NAALADL2: variants seen among roughly 807,000 people sequenced by gnomAD.
The protein encoded by NAALADL2 is N-acetylated alpha-linked acidic dipeptidase like 2, also known as inactive N-acetylated-alpha-linked acidic dipeptidase-like protein 2.
A neutral mutation model predicts 87.2 loss-of-function variants in NAALADL2; 76 were observed. The ratio of observed to expected loss-of-function variants is 0.87; its 90% CI spans 0.72 to 1.05. NAALADL2 has a LOEUF of 1.05. NAALADL2 is among the 50% of genes least tolerant of loss of function. The pLI, the probability that NAALADL2 is intolerant of heterozygous loss-of-function variation, is 0.00. For missense variants in NAALADL2, 1,089 were observed against 945.8 expected, an observed-to-expected ratio of 1.15 and a Z score of -1.99; for synonymous variants, 354 against 331.0, an observed-to-expected ratio of 1.07 and a Z score of -0.75.
chr3:175,124,656 T>C (rs1358099065), intron 2 of NAALADL2: 5 of 152,032 alleles, frequency 3.3e-5, no homozygotes, highest in Non-Finnish European at 7.4e-5. Flanking sequence ...GAAAGAGTGA[T>C]GTGTTACACA....
chr3:175,446,645 C>T (rs1720756819), intron 5 of NAALADL2, among the ~76,000 whole-genome samples: 1 of 152,136 alleles, frequency 6.6e-6, no homozygotes, highest in Admixed American at 6.6e-5. Context: ...GAACAGGCAC[C>T]CACACTGACT....
At chr3:175,772,272 T>A (rs1749594846) in intron 13 of NAALADL2, among the ~76,000 whole-genome samples, 1 of 151,668 alleles carries the variant, frequency 6.6e-6, no homozygotes, top group African/African-American at 2.4e-5. Flanking sequence ...TATTTATTTT[T>A]TTTTTTGTTG....
At chr3:174,491,761 G>T (rs934406861) in intron 1 of NAALADL2, among the ~76,000 whole-genome samples, 2 of 151,978 alleles carry the variant, frequency 1.3e-5, no homozygotes, top group Admixed American at 1.3e-4. Context: ...CTTCTCAAAG[G>T]AAGTGCTTAT....
chr3:175,765,253 A>G (rs2150159441), intron 13 of NAALADL2, among the ~76,000 whole-genome samples: 1 of 152,274 alleles, frequency 6.6e-6, no homozygotes, highest in Non-Finnish European at 1.5e-5. Flanking sequence ...ATCATTATAT[A>G]CATTCCCTTT....
intron 2 of NAALADL2, among the ~76,000 whole-genome samples, chr3:175,216,621 A>T (rs1266562302): frequency 2.7e-5 from 4 of 150,096 alleles, no homozygotes; most frequent in African/African-American, 9.8e-5. Context: ...ACATTCTCCC[A>T]TTCCAGCAGA....
At chr3:175,600,850 A>T (rs900344535) in intron 10 of NAALADL2, among the ~76,000 whole-genome samples, 2 of 152,060 alleles carry the variant, frequency 1.3e-5, no homozygotes, top group African/African-American at 4.8e-5. Flanking sequence ...TCTTAGTCTT[A>T]ATCAAAGTTG....
intron 2 of NAALADL2, among the ~76,000 whole-genome samples, chr3:175,174,733 A>G (rs1366647290): frequency 1.3e-5 from 2 of 151,998 alleles, no homozygotes; most frequent in African/African-American, 4.8e-5. Context: ...AAACCATGAT[A>G]TAACCCAAGA....
At position 175,251,546 on chromosome 3, in the gene NAALADL2, C is replaced by G. The variant is rs545617370; in HGVS notation, c.820-4865C>G. Among the ~76,000 whole-genome samples, 6 of 152,248 alleles carry G rather than the reference C, an allele frequency of 3.9e-5. No homozygotes were observed. The South Asian group carries it at 6.2e-4, about 16-fold the overall frequency. On this transcript the variant is annotated intron_variant, in intron 3 of 13. Transcript: ENST00000454872. ...AGAGACCAGTAAGATGTGTCTTAATCATTGGTATTTGGTTGTAAGTTAACA... is the reference window on the plus strand; with the variant it reads ...AGAGACCAGTAAGATGTGTCTTAATGATTGGTATTTGGTTGTAAGTTAACA...
intron 2 of NAALADL2, among the ~76,000 whole-genome samples, chr3:175,104,014 C>T (rs538279861): frequency 3.2e-4 from 48 of 152,264 alleles, no homozygotes; most frequent in African/African-American, 1.1e-3. Flanking sequence ...GGCTGCTTTC[C>T]TGTCCCCTTC....
chr3:174,761,181 T>C (rs1265109649), intron 3 of NAALADL2, among the ~76,000 whole-genome samples: 4 of 152,214 alleles, frequency 2.6e-5, no homozygotes, highest in African/African-American at 4.8e-5. Context: ...TGAAAATCTA[T>C]TTCCGAGTGC....
intron 3 of NAALADL2, among the ~76,000 whole-genome samples, chr3:174,811,717 A>G (rs1030874506): frequency 6.6e-6 from 1 of 152,058 alleles, no homozygotes; most frequent in African/African-American, 2.4e-5. Flanking sequence ...GGATGATTGT[A>G]TTTTGCAATG....
intron 3 of NAALADL2, among the ~76,000 whole-genome samples, chr3:174,847,957 A>G (rs1724818338): frequency 6.6e-6 from 1 of 151,732 alleles, no homozygotes; most frequent in Admixed American, 6.6e-5. Flanking sequence ...CTCTGCTCTA[A>G]TAATGTCTTC....
chr3:175,569,134 G>A lies in NAALADL2; in HGVS notation c.1654-6907G>A, dbSNP rs182596508. 1.1e-3 allele frequency among the ~76,000 whole-genome samples: 168 copies of A among 152,154 alleles called. 2 individuals carry two copies. Among genetic ancestry groups the A allele is most frequent in the African/African-American group, 4.0e-3 (164 of 41,516 alleles). ...TGGATCTCAGGGTAAGAACCCTTGG[G>A]CATTAGGATCTTTAGGTTCTTTTCT... On this transcript the variant is annotated intron_variant, in intron 9 of 13. Transcript: ENST00000454872.
intron 10 of NAALADL2, among the ~76,000 whole-genome samples, chr3:175,626,656 G>T (rs4129158): frequency 0.74 from 112,141 of 151,620 alleles, 42,173 homozygotes; most frequent in East Asian, 0.88. Flanking sequence ...TTTATTCCCA[G>T]TCTCTACTTT....
intron 5 of NAALADL2, among the ~76,000 whole-genome samples, chr3:175,402,643 C>G (rs1679171236): frequency 1.3e-5 from 2 of 152,034 alleles, no homozygotes; most frequent in Admixed American, 1.3e-4. Context: ...TCCTGTTTCT[C>G]TCTTCAGAGC....
chr3:174,981,046 A>G (rs1745044935), intron 1 of NAALADL2, among the ~76,000 whole-genome samples: 1 of 152,208 alleles, frequency 6.6e-6, no homozygotes, highest in Non-Finnish European at 1.5e-5. Context: ...TTCTGTAAAC[A>G]AACCTTAAAT....
intron 5 of NAALADL2, among the ~76,000 whole-genome samples, chr3:175,341,796 G>T (rs1331577196): frequency 1.3e-5 from 2 of 152,054 alleles, no homozygotes; most frequent in Admixed American, 1.3e-4. Context: ...CCTTCTAAGA[G>T]TTTTGTAGTT....
At chr3:174,830,468 C>T (rs1481962833) in intron 3 of NAALADL2, among the ~76,000 whole-genome samples, 4 of 151,972 alleles carry the variant, frequency 2.6e-5, no homozygotes, top group Admixed American at 2.6e-4. Flanking sequence ...TTCCATTGAT[C>T]TATATCTCTG....
chr3:175,386,894 T>C (rs1303268896), intron 5 of NAALADL2, among the ~76,000 whole-genome samples: 1 of 152,082 alleles, frequency 6.6e-6, no homozygotes, highest in East Asian at 1.9e-4. Context: ...AGTCCCAAAG[T>C]GCAAGATAAA....
Sources: gnomAD v4.1 joint callset for allele counts (sites outside exome capture counted in the v4.1 genomes callset) on GRCh38, gnomAD v4.1.1 for gene constraint, MANE v1.5 for transcripts, NCBI Gene and HGNC (gene_info 2026-07-23, HGNC 2026-07-21) for gene names.